The following PNPLA1 variants were observed in gnomAD, a reference collection of about 807,000 sequenced individuals.
The protein encoded by PNPLA1 is omega-hydroxyceramide transacylase.
A neutral mutation model predicts 51.7 loss-of-function variants in PNPLA1; 36 were observed. The ratio of observed to expected loss-of-function variants is 0.70; its 90% CI spans 0.53 to 0.92. The LOEUF (loss-of-function observed/expected upper bound fraction) is 0.92. PNPLA1 is among the 40% of genes least tolerant of loss of function. The pLI is 0.00. For missense variants in PNPLA1, 658 were observed against 682.5 expected (o/e 0.96, Z 0.40); for synonymous variants, 293 against 280.1 (o/e 1.05, Z -0.46).
chr6:36,309,866 A>G lies in PNPLA1; in HGVS notation c.1596-1897A>G, dbSNP rs149793911. ...TGGAGAAGGGGGGAGTGATTCAGGA[A>G]GAGGAGAAACCTGTTCATTTCCTCC... On this transcript the variant is annotated intron_variant, in intron 8 of 8. Coordinates refer to ENST00000636260, the MANE Select transcript of PNPLA1 (RefSeq NM_001374623.1). 1.4e-3 allele frequency among the ~76,000 whole-genome samples: 211 copies of G among 152,308 alleles called. 6 individuals carry two copies. The South Asian group carries it at 0.03, about 22-fold the overall frequency.
chr6:36,280,208 A>C (rs1018056596), intron 1 of PNPLA1, among the ~76,000 whole-genome samples: 2 of 152,150 alleles, frequency 1.3e-5, no homozygotes, highest in African/African-American at 4.8e-5. Context: ...CCGTCTCAAA[A>C]AACAAAAACA....
chr6:36,268,280 T>C (rs968128778), upstream of PNPLA1, among the ~76,000 whole-genome samples: 1 of 152,180 alleles, frequency 6.6e-6, no homozygotes, highest in Non-Finnish European at 1.5e-5. Context: ...ACGTGCCGTG[T>C]GCCAGGCGTC....
chr6:36,299,339 T>G (rs4713954), intron 5 of PNPLA1, among the ~76,000 whole-genome samples: 10 of 53,132 alleles, frequency 1.9e-4, no homozygotes, highest in Non-Finnish European at 2.4e-4. Flanking sequence ...TTGTCTGTTT[T>G]TTTTTTTTTT....
intron 1 of PNPLA1, among the ~76,000 whole-genome samples, chr6:36,261,762 T>C (rs150884902): frequency 6.6e-6 from 1 of 152,358 alleles, no homozygotes; most frequent in Non-Finnish European, 1.5e-5. Context: ...GGCACAGAGA[T>C]GTCAAATAAT....
At chr6:36,259,379 A>T (rs1279318104) in intron 1 of PNPLA1, among the ~76,000 whole-genome samples, 1 of 152,230 alleles carries the variant, frequency 6.6e-6, no homozygotes, top group African/African-American at 2.4e-5. Flanking sequence ...TGCTGCAAGC[A>T]GTTAAAACTG....
chr6:36,282,339 C>T (rs540436045), intron 1 of PNPLA1, among the ~76,000 whole-genome samples: 14 of 152,282 alleles, frequency 9.2e-5, no homozygotes, highest in African/African-American at 2.9e-4. Flanking sequence ...TGTCATTGTG[C>T]GATAGTTGTT....
At chr6:36,282,936 G>A (rs1408836645) in intron 1 of PNPLA1, among the ~76,000 whole-genome samples, 3 of 152,084 alleles carry the variant, frequency 2.0e-5, no homozygotes, top group Non-Finnish European at 4.4e-5. Flanking sequence ...GCCCACCTTG[G>A]CCTCCCAAAG....
chr6:36,278,122 T>C (rs538839755), intron 1 of PNPLA1, among the ~76,000 whole-genome samples: 9 of 152,350 alleles, frequency 5.9e-5, no homozygotes, highest in African/African-American at 2.2e-4. Flanking sequence ...CCATGATGTC[T>C]AGTTTGCCCA....
At chr6:36,274,288 T>C (rs969762308) in intron 1 of PNPLA1, among the ~76,000 whole-genome samples, 1 of 152,178 alleles carries the variant, frequency 6.6e-6, no homozygotes, top group Non-Finnish European at 1.5e-5. Context: ...AAAGTCTACA[T>C]TCTTATCCTT....
At chr6:36,304,859 GT>G (rs1339146374) in intron 6 of PNPLA1, among the ~76,000 whole-genome samples, 2 of 152,110 alleles carry the variant, frequency 1.3e-5, no homozygotes, top group Non-Finnish European at 2.9e-5. Context: ...GAGTGATTTT[GT>G]CTCCAGGAGA....
intron 7 of PNPLA1, among the ~76,000 whole-genome samples, chr6:36,307,143 C>T (rs558103526): frequency 6.6e-6 from 1 of 152,164 alleles, no homozygotes; most frequent in East Asian, 1.9e-4. Context: ...TCTCCATGAC[C>T]ACAGCTGCAG....
chr6:36,302,051 C>A lies in PNPLA1; in HGVS notation c.966C>A (p.Gly322=). ...KEWVPKGDGR[G]SHGPPVSQPV... is the part of the protein sequence containing the mutation. ...GGGTTCCCAAAGGGGATGGAAGGGG[C>A]AGCCATGGTCCGCCTGTGTCCCAAC... The change falls in exon 6 of 9, where the codon GGC becomes GGA. Residue 322 remains glycine (G), a synonymous_variant. Transcript: ENST00000636260. 1 of 1,614,200 alleles carries A rather than the reference C, an allele frequency of 6.2e-7. No homozygotes were observed. Among genetic ancestry groups the A allele is most frequent in the Non-Finnish European group, 8.5e-7 (1 of 1,180,042 alleles).
upstream of PNPLA1, among the ~76,000 whole-genome samples, chr6:36,268,827 C>CAAGCCCTCA (rs1769824672): frequency 6.6e-6 from 1 of 152,210 alleles, no homozygotes; most frequent in Non-Finnish European, 1.5e-5. Context: ...GCTTGGCACA[C>CAAGCCCTCA]AAGCCCTCAG....
intron 6 of PNPLA1, among the ~76,000 whole-genome samples, chr6:36,303,133 C>T (rs569387176): frequency 2.0e-5 from 3 of 152,070 alleles, no homozygotes; most frequent in Non-Finnish European, 2.9e-5. Flanking sequence ...CTCGCTCTGT[C>T]GCCCAGGCTA....
chr6:36,248,300 G>T (rs755886953), intron 1 of PNPLA1, among the ~76,000 whole-genome samples: 1 of 152,162 alleles, frequency 6.6e-6, no homozygotes, highest in Non-Finnish European at 1.5e-5. Context: ...CTGAGCGACA[G>T]GACAGTTCTC....
rs372063360 is a variant in PNPLA1 at position 36,307,644 on chromosome 6, A to G, written c.1527A>G (p.Gln509=). The change falls in exon 8 of 9, where the codon CAA becomes CAG. Residue 509 remains glutamine, a synonymous_variant. Transcript: ENST00000636260. ...WVNKVFKKNK[Q]KTSGTRKGFP... ...ATAAGGTCTTCAAGAAGAACAAGCAAAAGACAAGTGGCACCAGAAAAGGCT... is the reference window on the plus strand; with the variant it reads ...ATAAGGTCTTCAAGAAGAACAAGCAGAAGACAAGTGGCACCAGAAAAGGCT... The G allele has an allele frequency of 3.1e-6, 5 of 1,613,846 alleles. No homozygotes were observed. In the African/African-American group the frequency reaches 5.3e-5, roughly 17 times the overall value.
At chr6:36,248,323 G>A (rs1480946106) in intron 1 of PNPLA1, among the ~76,000 whole-genome samples, 2 of 152,174 alleles carry the variant, frequency 1.3e-5, no homozygotes, top group African/African-American at 4.8e-5. Flanking sequence ...GGCCCTGCAT[G>A]TAGCACCTCA....
intron 6 of PNPLA1, among the ~76,000 whole-genome samples, chr6:36,305,820 C>G (rs1400721316): frequency 1.4e-5 from 2 of 145,550 alleles, no homozygotes; most frequent in Non-Finnish European, 3.0e-5. Flanking sequence ...GTATCTCACT[C>G]CCGGCTCACT....
chr6:36,253,594 G>A (rs1769468436), intron 1 of PNPLA1, among the ~76,000 whole-genome samples: 1 of 152,006 alleles, frequency 6.6e-6, no homozygotes. Context: ...TCCTGCCTTA[G>A]CCTCCCAAGT....
Sources: gnomAD v4.1 joint callset for allele counts (sites outside exome capture counted in the v4.1 genomes callset) on GRCh38, gnomAD v4.1.1 for gene constraint, MANE v1.5 for transcripts, NCBI Gene and HGNC (gene_info 2026-07-23, HGNC 2026-07-21) for gene names.